The following LRRC7 variants were observed in gnomAD, a reference collection of about 807,000 sequenced individuals.
LRRC7 encodes the protein leucine rich repeat containing 7.
LRRC7 carries 23 observed loss-of-function variants against 175.7 expected under a neutral mutation model. The observed-to-expected ratio is 0.13, with a 90% CI of 0.09 to 0.19. LRRC7 has a LOEUF of 0.19. LRRC7 is among the 10% of genes least tolerant of loss of function. The pLI, the probability that LRRC7 is intolerant of heterozygous loss-of-function variation, is 1.00. For missense variants in LRRC7, 1,354 were observed against 1,904.7 expected (o/e 0.71, Z 5.38); for synonymous variants, 685 against 680.9 (o/e 1.01, Z -0.09).
rs1022548932 is a variant in LRRC7 at position 69,568,423 on chromosome 1, G to A, written c.-217G>A. 1.6e-5 allele frequency: 4 copies of A among 250,812 alleles called. No homozygotes were observed. The highest frequency in any genetic ancestry group is 7.1e-5 in the African/African-American group (3 of 42,304). The allele number at this position is 250,812 out of a possible 1,614,324, so 15.5% of individuals were successfully genotyped here. A position where few individuals can be genotyped will look rare whatever the true frequency, so the allele number is the denominator to read the frequency against. On this transcript the variant is annotated 5_prime_UTR_variant, in exon 1 of 27. Transcript: ENST00000651989. Reference sequence around the variant, plus strand: ...GCTTCCCGCGGGAACCTCTCCAGCCGTCCACCTGAAGGGCACTGGCATCAT... The same window carrying A: ...GCTTCCCGCGGGAACCTCTCCAGCCATCCACCTGAAGGGCACTGGCATCAT...
rs1003972717 is a variant in LRRC7, at chr1:69,904,742, G to A, written c.648-26765G>A. ...TATATAAGTAAATTGCATGTCACAG[G>A]GGTTTGATGTACAGATTATTTTGTC... On this transcript the variant is annotated intron_variant, in intron 7 of 26. Coordinates refer to ENST00000651989, the MANE Select transcript of LRRC7 (RefSeq NM_001370785.2). Among the ~76,000 whole-genome samples, 8 of 151,958 alleles carry A rather than the reference G, an allele frequency of 5.3e-5. No homozygotes were observed. In the South Asian group the frequency reaches 1.2e-3, roughly 24 times the overall value.
chr1:70,030,978 C>T (rs575499885), intron 18 of LRRC7, among the ~76,000 whole-genome samples: 1 of 152,156 alleles, frequency 6.6e-6, no homozygotes, highest in Non-Finnish European at 1.5e-5. Flanking sequence ...CCCCAGATCT[C>T]TTTATATGGC....
intron 2 of LRRC7, among the ~76,000 whole-genome samples, chr1:69,717,845 GAAAGAAAGGAAAGAAAGAAAGAA>G (rs1665687930): frequency 4.0e-5 from 1 of 24,994 alleles, no homozygotes; most frequent in Non-Finnish European, 6.7e-5. Context: ...AAAGAAAAAA[GAAAGAAAGGAAAGAAAGAAAGAA>G]AGAAAGAAAG....
intron 2 of LRRC7, among the ~76,000 whole-genome samples, chr1:69,740,952 T>G (rs1668644941): frequency 6.6e-6 from 1 of 152,118 alleles, no homozygotes; most frequent in South Asian, 2.1e-4. Flanking sequence ...TTCATAAATA[T>G]ATACAATATT....
chr1:69,982,386 G>T (rs1162238778), intron 9 of LRRC7, among the ~76,000 whole-genome samples: 1 of 152,144 alleles, frequency 6.6e-6, no homozygotes, highest in African/African-American at 2.4e-5. Flanking sequence ...TTGCTTTTCA[G>T]TTACCCCAAA....
chr1:69,690,232 T>A (rs1301472185), intron 2 of LRRC7, among the ~76,000 whole-genome samples: 1 of 152,164 alleles, frequency 6.6e-6, no homozygotes, highest in Non-Finnish European at 1.5e-5. Flanking sequence ...AGCAAATCAG[T>A]CGTTTGTGTA....
intron 2 of LRRC7, among the ~76,000 whole-genome samples, chr1:69,717,770 A>T (rs12097161): frequency 2.4e-5 from 1 of 42,392 alleles, no homozygotes; most frequent in African/African-American, 1.1e-4. Flanking sequence ...AAAAAAGAAA[A>T]AAAGAAAGAA....
intron 22 of LRRC7, among the ~76,000 whole-genome samples, chr1:70,052,265 T>C (rs1344540723): frequency 6.6e-6 from 1 of 152,204 alleles, no homozygotes; most frequent in East Asian, 1.9e-4. Context: ...AAGGTTAGAA[T>C]ATGAAATTCA....
rs143610242 is a variant in LRRC7, at chr1:70,134,748, G to A, written c.*12861G>A. On this transcript the variant is annotated 3_prime_UTR_variant, in exon 27 of 27. Transcript: ENST00000651989. ...TTTTGTAAGTTCTTTCTGACCTCAA[G>A]CCTGCCAATTTTAGTGCACCATTTT... 1.3e-5 allele frequency among the ~76,000 whole-genome samples: 2 copies of A among 152,202 alleles called. No individual in the cohort carries two copies. The highest frequency in any genetic ancestry group is 3.9e-4 in the East Asian group (2 of 5,182).
In LRRC7 at chr1:69,717,822, GAAA is replaced by G. The variant is rs1557641027; in HGVS notation, c.100+39345_100+39347del. Reference sequence around the variant, plus strand: ...AGAAAGAAAGAAAGAAAGAAAGAAAGAAAGAAAGAAAGAAAGAAAAAAGAAAGA... The same window carrying G: ...AGAAAGAAAGAAAGAAAGAAAGAAAGGAAAGAAAGAAAGAAAAAAGAAAGA... On this transcript the variant is annotated intron_variant, in intron 2 of 26. Coordinates refer to ENST00000651989, the MANE Select transcript of LRRC7 (RefSeq NM_001370785.2). Among the ~76,000 whole-genome samples the G allele has an allele frequency of 2.5e-3, 58 of 23,102 alleles. 4 individuals are homozygous for G. The highest frequency in any genetic ancestry group is 0.01 in the African/African-American group (36 of 3,500). 15.2% of individuals were successfully genotyped at this position (23,102 alleles called of 152,430 possible).
intron 4 of LRRC7, among the ~76,000 whole-genome samples, chr1:69,806,547 G>A (rs1157638817): frequency 2.0e-5 from 3 of 151,758 alleles, no homozygotes; most frequent in Non-Finnish European, 4.4e-5. Flanking sequence ...TTTTCTTCTA[G>A]TATACAATAT....
At chr1:69,584,888 C>T (rs926123641) in intron 1 of LRRC7, among the ~76,000 whole-genome samples, 2 of 147,176 alleles carry the variant, frequency 1.4e-5, no homozygotes, top group African/African-American at 4.9e-5. Context: ...GGCCCTTTGC[C>T]TGTGTTGTTC....
chr1:69,620,352 T>C (rs1407061660), intron 1 of LRRC7, among the ~76,000 whole-genome samples: 2 of 152,174 alleles, frequency 1.3e-5, no homozygotes, highest in Non-Finnish European at 2.9e-5. Flanking sequence ...CTTGGGCTCC[T>C]TGGATGATCA....
chr1:69,668,536 A>G lies in LRRC7; in HGVS notation c.3-9845A>G, dbSNP rs546489026. Reference sequence around the variant, plus strand: ...TATATGTGCCACATTTTCTTTATTCAGTCTATCATTGATTGGCATTTGGGT... The same window carrying G: ...TATATGTGCCACATTTTCTTTATTCGGTCTATCATTGATTGGCATTTGGGT... On this transcript the variant is annotated intron_variant, in intron 1 of 26. Transcript: ENST00000651989. Among the ~76,000 whole-genome samples, 3 of 152,290 alleles carry G rather than the reference A, an allele frequency of 2.0e-5. No individual in the cohort carries two copies. In the South Asian group the frequency reaches 6.2e-4, roughly 32 times the overall value.
In LRRC7 at chr1:69,743,050, C is replaced by T. The variant is rs182814220; in HGVS notation, c.101-17141C>T. On this transcript the variant is annotated intron_variant, in intron 2 of 26. Transcript: ENST00000651989. ...GGATGTGTTGTCATTTAGAAGTCAC[C>T]CATATGTAATGTCTAGTAAAGTATG... 5.3e-5 allele frequency among the ~76,000 whole-genome samples: 8 copies of T among 151,828 alleles called. 2 individuals are homozygous for T. Among genetic ancestry groups the T allele is most frequent in the African/African-American group, 1.9e-4 (8 of 41,456 alleles).
At chr1:69,862,946 A>G (rs369400242) in intron 7 of LRRC7, among the ~76,000 whole-genome samples, 10 of 152,196 alleles carry the variant, frequency 6.6e-5, no homozygotes, top group South Asian at 6.2e-4. Context: ...GAGGTGAGTT[A>G]TCATCCATGT....
chr1:69,892,440 C>T (rs929587814), intron 7 of LRRC7, among the ~76,000 whole-genome samples: 2 of 152,294 alleles, frequency 1.3e-5, no homozygotes, highest in East Asian at 3.9e-4. Context: ...GTTGGAGCAA[C>T]ACCACGCAGA....
At chr1:69,960,067 C>T (rs1650892195) in intron 8 of LRRC7, among the ~76,000 whole-genome samples, 1 of 152,042 alleles carries the variant, frequency 6.6e-6, no homozygotes, top group African/African-American at 2.4e-5. Flanking sequence ...ATGATGCCAG[C>T]TCTTCTTTGT....
chr1:70,033,789 A>T (rs1234804476), intron 18 of LRRC7, among the ~76,000 whole-genome samples: 3 of 152,150 alleles, frequency 2.0e-5, no homozygotes, highest in Admixed American at 2.0e-4. Flanking sequence ...AGCAAAACCC[A>T]TAATTATGTT....
Sources: allele counts gnomAD v4.1 joint callset (sites outside exome capture counted in the v4.1 genomes callset), GRCh38; gene constraint gnomAD v4.1.1; transcripts MANE v1.5; gene names NCBI Gene and HGNC (gene_info 2026-07-23, HGNC 2026-07-21).